The following USP33 variants were observed in gnomAD, a reference collection of about 807,000 sequenced individuals.
USP33 encodes ubiquitin carboxyl-terminal hydrolase 33.
Under a neutral mutation model 124.2 loss-of-function variants are expected in USP33, and 46 were observed. That is an observed-to-expected ratio of 0.37 (90% confidence interval 0.29 to 0.47). The LOEUF (loss-of-function observed/expected upper bound fraction) is 0.47, where lower values mean the gene tolerates loss of function less well. Among genes scored for constraint, USP33 ranks in the 20% least tolerant of loss-of-function variants. The pLI, the probability that USP33 is intolerant of heterozygous loss-of-function variation, is 0.99. For synonymous variants in USP33, 350 were observed against 352.3 expected (o/e 0.99, Z 0.07); for missense variants, 851 against 1,070.6 (o/e 0.79, Z 2.86).
At chr1:77,735,835 C>T (rs1343879813) in intron 6 of USP33, among the ~76,000 whole-genome samples, 3 of 152,158 alleles carry the variant, frequency 2.0e-5, no homozygotes, top group Non-Finnish European at 4.4e-5. Context: ...TCATAAGGCT[C>T]AACTGCAAAA....
intron 9 of USP33, 34 bp from the exon 10 acceptor site, chr1:77,728,746 A>C (rs549639745): frequency 1.9e-6 from 3 of 1,582,838 alleles, no homozygotes; most frequent in Non-Finnish European, 2.6e-6. Flanking sequence ...TAACCACTTC[A>C]TTACATGTGT....
chr1:77,743,975 T>G (rs1679430085), intron 1 of USP33, among the ~76,000 whole-genome samples: 1 of 151,898 alleles, frequency 6.6e-6, no homozygotes, highest in Non-Finnish European at 1.5e-5. Context: ...AATACAAACA[T>G]TAGCTGGGCG....
intron 1 of USP33, chr1:77,746,596 AT>A (rs1679766147): frequency 6.6e-6 from 1 of 152,242 alleles, no homozygotes; most frequent in South Asian, 2.1e-4. Context: ...TTTTAGACCA[AT>A]ATCCCTGATG....
At position 77,730,729 on chromosome 1, in the gene USP33, G is replaced by A; in HGVS notation, c.527C>T (p.Pro176Leu). 1 of 1,562,300 alleles carries A rather than the reference G, an allele frequency of 6.4e-7. No homozygotes were observed. The highest frequency in any genetic ancestry group is 8.7e-7 in the Non-Finnish European group (1 of 1,154,312). Residue 176 changes from proline to leucine, a missense_variant and splice_region_variant, in exon 8 of 24, where the codon CCA (proline) becomes CTA (leucine). Around this residue, in one of 4 missense-constraint regions of USP33, gnomAD observed 221 missense variants for 302.9 expected, o/e 0.73. Transcript: ENST00000370794. The stretch of plus-strand genomic sequence containing the variant: ...ATCAAGAAAAAACTGTGTCAAAGGT[G>A]GGCTAATTTTAAAAAGAGAAAAATG... ...NAALQALSNCPPLTQFFLDCG... is the reference protein window; with the variant it reads ...NAALQALSNCLPLTQFFLDCG...
chr1:77,732,789 C>CTTTT (rs939934675), intron 7 of USP33, among the ~76,000 whole-genome samples: 164 of 104,848 alleles, frequency 1.6e-3, no homozygotes, highest in African/African-American at 2.0e-3. Context: ...AATGTCTCTT[C>CTTTT]TTTTTTTTTT....
At chr1:77,752,520 C>G (rs952585662) in intron 1 of USP33, among the ~76,000 whole-genome samples, 12 of 152,112 alleles carry the variant, frequency 7.9e-5, no homozygotes, top group Non-Finnish European at 1.6e-4. Flanking sequence ...ATTCCATTGC[C>G]TAGTCTATTC....
At chr1:77,721,084 C>G in intron 15 of USP33, 88 bp downstream of exon 15, 1 of 1,427,394 alleles carries the variant, frequency 7.0e-7, no homozygotes, top group Non-Finnish European at 9.8e-7. Context: ...TTTCTAAATA[C>G]AGTGGCAAAT....
intron 16 of USP33, 132 bp from the exon 17 acceptor site, chr1:77,718,179 G>A: frequency 3.9e-6 from 3 of 775,906 alleles, no homozygotes; most frequent in South Asian, 4.5e-5. Context: ...CAATTATGAA[G>A]TTATTTAGAT....
At chr1:77,759,136 T>C (rs774772145) in intron 1 of USP33, among the ~76,000 whole-genome samples, 1 of 152,156 alleles carries the variant, frequency 6.6e-6, no homozygotes, top group African/African-American at 2.4e-5. Flanking sequence ...GATCAAACAT[T>C]GGTCGAAGAA....
chr1:77,701,816 C>A (rs972438813), intron 21 of USP33, among the ~76,000 whole-genome samples: 1 of 151,888 alleles, frequency 6.6e-6, no homozygotes, highest in Non-Finnish European at 1.5e-5. Context: ...ATTACAGGTG[C>A]CTGCCACCGC....
rs776742007 is a variant in USP33, at chr1:77,713,283, T to TA, written c.2216-3dup. ...AACCAGCTTTTCTTGGAGGAACACC[T>TA]AAAAAAATATATAAACATATCTGTT... On this transcript the variant is annotated splice_region_variant and splice_polypyrimidine_tract_variant and intron_variant, in intron 19 of 23. Coordinates refer to ENST00000370794, the MANE Select transcript of USP33 (RefSeq NM_201624.3). 60 of 1,558,800 alleles carry TA rather than the reference T, an allele frequency of 3.8e-5. No individual in the cohort carries two copies. Among genetic ancestry groups the TA allele is most frequent in the African/African-American group, 1.0e-4 (7 of 70,076 alleles).
intron 8 of USP33, 44 bp from the exon 9 acceptor site, chr1:77,729,982 A>G: frequency 6.6e-7 from 1 of 1,519,734 alleles, no homozygotes; most frequent in East Asian, 2.3e-5. Flanking sequence ...TGTTATTTTT[A>G]ATTTTCATTT....
intron 18 of USP33, 111 bp from the exon 19 acceptor site, chr1:77,714,894 G>T: frequency 9.0e-7 from 1 of 1,114,984 alleles, no homozygotes; most frequent in South Asian, 1.4e-5. Context: ...TCTTTATTAG[G>T]TCTTGGGAAT....
At chr1:77,730,273 A>G (rs1677655455) in intron 8 of USP33, among the ~76,000 whole-genome samples, 1 of 152,266 alleles carries the variant, frequency 6.6e-6, no homozygotes, top group African/African-American at 2.4e-5. Context: ...ACAAATAAAC[A>G]TAAGCAGGAA....
At chr1:77,721,300 C>T in intron 14 of USP33, 95 bp from the exon 15 acceptor site, 1 of 1,339,416 alleles carries the variant, frequency 7.5e-7, no homozygotes, top group Non-Finnish European at 1.1e-6. Flanking sequence ...TGCTGACCTC[C>T]CAGCACAGAA....
chr1:77,697,625 G>T, intron 23 of USP33, 151 bp from the exon 24 acceptor site: 1 of 1,007,386 alleles, frequency 9.9e-7, no homozygotes, highest in Non-Finnish European at 1.4e-6. Context: ...ATTGTTATAA[G>T]CTGAAACATA....
intron 6 of USP33, among the ~76,000 whole-genome samples, chr1:77,735,198 C>T (rs1678298460): frequency 6.6e-6 from 1 of 151,966 alleles, no homozygotes; most frequent in Non-Finnish European, 1.5e-5. Context: ...ACAAAAATGG[C>T]AATTTCATAT....
intron 1 of USP33, among the ~76,000 whole-genome samples, chr1:77,746,997 TATTA>T (rs1679807733): frequency 6.6e-6 from 1 of 152,228 alleles, no homozygotes; most frequent in Non-Finnish European, 1.5e-5. Context: ...TTTGTTCTTT[TATTA>T]ATTGCTTCTT....
chr1:77,715,169 A>G (rs982580976), intron 18 of USP33, among the ~76,000 whole-genome samples: 5 of 152,260 alleles, frequency 3.3e-5, no homozygotes, highest in Middle Eastern at 3.4e-3. Context: ...TACTTAATTC[A>G]GACCATCAAT....
Sources: allele counts gnomAD v4.1 joint callset (sites outside exome capture counted in the v4.1 genomes callset), GRCh38; gene constraint gnomAD v4.1.1; regional missense constraint gnomAD v4.1.1; transcripts MANE v1.5; gene names NCBI Gene and HGNC (gene_info 2026-07-23, HGNC 2026-07-21).